The following ACTR1B variants were observed in gnomAD, a reference collection of about 807,000 sequenced individuals.
The protein encoded by ACTR1B is beta-centractin.
Under a neutral mutation model 49.4 loss-of-function variants are expected in ACTR1B, and 34 were observed. The observed-to-expected ratio is 0.69, with a 90% confidence interval of 0.52 to 0.92. The LOEUF (loss-of-function observed/expected upper bound fraction) is 0.92. Ranked by LOEUF, ACTR1B falls within the 40% of genes least tolerant of loss-of-function variation. The pLI, the probability that ACTR1B is intolerant of heterozygous loss-of-function variation, is 0.00. For synonymous variants in ACTR1B, 207 were observed against 207.8 expected, an observed-to-expected ratio of 1.00 and a Z score of 0.03; for missense variants, 471 against 522.4, an observed-to-expected ratio of 0.90 and a Z score of 0.96.
chr2:97,659,126 C>T lies in ACTR1B; in HGVS notation c.316-123G>A, dbSNP rs983987977. ...CTCAGCCTCCTACCCCTCCTGAGGG[C>T]CCCATCCCTTTATCTGCTGGCAGTT... On this transcript the variant is annotated intron_variant, in intron 4 of 10. Transcript: ENST00000289228. This position sits in a 1 kb window ranked among gnomAD's most constrained non-coding sequence, Gnocchi z 4.0. 17 of 1,499,868 alleles carry T rather than the reference C, an allele frequency of 1.1e-5. No homozygotes were observed. The African/African-American group carries it at 2.3e-4, about 21-fold the overall frequency. The allele number at this position is 1,499,868 out of a possible 1,614,324, so 92.9% of individuals were successfully genotyped here. A position where few individuals can be genotyped will look rare whatever the true frequency, so the allele number is the denominator to read the frequency against.
intron 1 of ACTR1B, among the ~76,000 whole-genome samples, chr2:97,662,551 G>A (rs1473004969): frequency 6.6e-6 from 1 of 152,028 alleles, no homozygotes; most frequent in Non-Finnish European, 1.5e-5. Flanking sequence ...GAGACTACTA[G>A]GAGAACTTGG....
chr2:97,659,055 C>CT lies in ACTR1B; in HGVS notation c.316-53dup, dbSNP rs1559289379. On this transcript the variant is annotated intron_variant, in intron 4 of 10. Transcript: ENST00000289228. This position sits in a 1 kb window ranked among gnomAD's most constrained non-coding sequence, Gnocchi z 4.0. ...ATCAGAGGAGGCAACTTGCAAGGCC[C>CT]TAAAAGGCTCTTTCCAGAGAACCAC... 2.5e-6 allele frequency: 4 copies of CT among 1,610,804 alleles called. No homozygotes were observed. Among genetic ancestry groups the CT allele is most frequent in the Non-Finnish European group, 3.4e-6 (4 of 1,178,174 alleles).
At chr2:97,660,428 G>A (rs1674981930) in intron 3 of ACTR1B, 143 bp downstream of exon 3, 2 of 748,200 alleles carry the variant, frequency 2.7e-6, no homozygotes, top group Admixed American at 4.7e-5. Context: ...CCCATCTCAG[G>A]GGGAGGTGCC....
rs1674824798 is a variant in ACTR1B, at chr2:97,655,999, CAA to C, written c.*857_*858del. 1 of 152,254 alleles carries C rather than the reference CAA, an allele frequency of 6.6e-6. No homozygotes were observed. The highest frequency in any genetic ancestry group is 2.1e-4 in the South Asian group (1 of 4,832). The allele number at this position is 152,254 out of a possible 1,614,324, so 9.4% of individuals were successfully genotyped here. A position where few individuals can be genotyped will look rare whatever the true frequency, so the allele number is the denominator to read the frequency against. On this transcript the variant is annotated 3_prime_UTR_variant, in exon 11 of 11. Transcript: ENST00000289228. ...CCATAATTATTACTATAATGATTTACAAAAGTTTTTTTCAGGCAACCGTGTTA... is the reference window on the plus strand; with the variant it reads ...CCATAATTATTACTATAATGATTTACAAGTTTTTTTCAGGCAACCGTGTTA...
chr2:97,663,948 G>A lies in ACTR1B; in HGVS notation c.-58C>T, dbSNP rs1573188310. 1.0e-6 allele frequency: 1 copy of A among 996,302 alleles called. No individual in the cohort carries two copies. The highest frequency in any genetic ancestry group is 1.3e-6 in the Non-Finnish European group (1 of 760,454). The allele number at this position is 996,302 out of a possible 1,614,324, so 61.7% of individuals were successfully genotyped here. On this transcript the variant is annotated 5_prime_UTR_variant, in exon 1 of 11. Coordinates refer to ENST00000289228, the MANE Select transcript of ACTR1B (RefSeq NM_005735.4). Reference sequence around the variant, plus strand: ...GGCTGCAGGAGGCACCGGATGGGCGGGCGGGCGGGAGGACCGGGACGGCGG... The same window carrying A: ...GGCTGCAGGAGGCACCGGATGGGCGAGCGGGCGGGAGGACCGGGACGGCGG...
Position 97,656,108 on chromosome 2 carries a change from A to C in ACTR1B, c.*750T>G, listed in dbSNP as rs936982823. 6.6e-6 allele frequency: 1 copy of C among 152,280 alleles called. No homozygotes were observed. Among genetic ancestry groups the C allele is most frequent in the Non-Finnish European group, 1.5e-5 (1 of 68,078 alleles). 9.4% of individuals were successfully genotyped at this position (152,280 alleles called of 1,614,324 possible). A position where few individuals can be genotyped will look rare whatever the true frequency, so the allele number is the denominator to read the frequency against. On this transcript the variant is annotated 3_prime_UTR_variant, in exon 11 of 11. Coordinates refer to ENST00000289228, the MANE Select transcript of ACTR1B (RefSeq NM_005735.4). ...GACCTCTTTCTTGGGTGAGGTAAGA[A>C]AATGTCCCCCACCCCCTTTTAGGTC...
intron 3 of ACTR1B, among the ~76,000 whole-genome samples, 187 bp downstream of exon 3, chr2:97,660,384 C>A (rs577266859): frequency 1.3e-5 from 2 of 152,246 alleles, no homozygotes; most frequent in African/African-American, 2.4e-5. Context: ...ACACGATGAG[C>A]TCTACCCATG....
Position 97,656,815 on chromosome 2 carries a change from C to T in ACTR1B, c.*43G>A. The T allele has an allele frequency of 6.7e-7, 1 of 1,492,712 alleles. No homozygotes were observed. The highest frequency in any genetic ancestry group is 9.2e-7 in the Non-Finnish European group (1 of 1,091,752). 92.5% of individuals were successfully genotyped at this position (1,492,712 alleles called of 1,614,324 possible). A position where few individuals can be genotyped will look rare whatever the true frequency, so the allele number is the denominator to read the frequency against. ...CAAAAAGGGTTAAAGGCTCTGTCTC[C>T]CCTCCCTCCCCCTCTCCCAACATGC... is the stretch of plus-strand genomic sequence containing the variant. On this transcript the variant is annotated 3_prime_UTR_variant, in exon 11 of 11. Transcript: ENST00000289228.
rs1490035583 is a variant in ACTR1B, at chr2:97,658,936, A to G, written c.383T>C (p.Phe128Ser). Reference protein sequence around the residue: ...SKNREKAAEVFFETFNVPALF... With the variant: ...SKNREKAAEVSFETFNVPALF... ...GGCCGGCACGTTGAAGGTCTCAAAG[A>G]ACACCTCTGCCGCCTTCTCCCGGTT... is the stretch of plus-strand genomic sequence containing the variant. Residue 128 changes from phenylalanine (F) to serine (S), a missense_variant, in exon 5 of 11, where the codon TTC (phenylalanine) becomes TCC (serine). By Grantham distance (155) the Phe-to-Ser change is radical. Transcript: ENST00000289228. The surrounding 1 kb of genome is among the most constrained non-coding windows in gnomAD (Gnocchi z 5.9). 1 of 1,613,990 alleles carries G rather than the reference A, an allele frequency of 6.2e-7. No homozygotes were observed. The highest frequency in any genetic ancestry group is 8.5e-7 in the Non-Finnish European group (1 of 1,180,006).
At chr2:97,663,812 G>A in intron 1 of ACTR1B, 31 bp downstream of exon 1, 2 of 1,351,348 alleles carry the variant, frequency 1.5e-6, no homozygotes, top group Non-Finnish European at 9.7e-7. Flanking sequence ...GGGGCGGGGC[G>A]CCCGCCCTCC....
chr2:97,660,805 CG>C (rs1674992373), intron 2 of ACTR1B, among the ~76,000 whole-genome samples, 159 bp from the exon 3 acceptor site: 4 of 152,146 alleles, frequency 2.6e-5, no homozygotes, highest in Admixed American at 2.0e-4. Flanking sequence ...CTATGGGGTT[CG>C]GGGCTAGAGA....
At position 97,658,181 on chromosome 2, in the gene ACTR1B, C is replaced by T. The variant is rs1221264823; in HGVS notation, c.750+43G>A. ...GAAGCGGGCTACCCCTTCCCCCAGGCTGGGCATCGGCTGCCACTCCAGTGC... is the reference window on the plus strand; with the variant it reads ...GAAGCGGGCTACCCCTTCCCCCAGGTTGGGCATCGGCTGCCACTCCAGTGC... On this transcript the variant is annotated intron_variant, in intron 7 of 10. Coordinates refer to ENST00000289228, the MANE Select transcript of ACTR1B (RefSeq NM_005735.4). This position sits in a 1 kb window ranked among gnomAD's most constrained non-coding sequence, Gnocchi z 5.9. 3.1e-6 allele frequency: 5 copies of T among 1,613,520 alleles called. No individual in the cohort carries two copies. In the East Asian group the frequency reaches 6.7e-5, roughly 22 times the overall value.
Position 97,658,882 on chromosome 2 carries a change from C to T in ACTR1B, c.437G>A (p.Ser146Asn). Reference sequence around the variant, plus strand: ...GCCAGGCTTAGGGAGCACTCACAGACTGAGCACAGCCTGCATGGAGATGAA... The same window carrying T: ...GCCAGGCTTAGGGAGCACTCACAGATTGAGCACAGCCTGCATGGAGATGAA... The part of the protein sequence containing the change: ...ALFISMQAVL[S>N]LYATGRTTGV... Residue 146 changes from serine (S) to asparagine (N), a missense_variant, in exon 5 of 11, where the codon AGT (serine) becomes AAT (asparagine). Transcript: ENST00000289228. The surrounding 1 kb of genome is among the most constrained non-coding windows in gnomAD (Gnocchi z 5.9). 1 of 1,614,086 alleles carries T rather than the reference C, an allele frequency of 6.2e-7. No individual in the cohort carries two copies. The highest frequency in any genetic ancestry group is 8.5e-7 in the Non-Finnish European group (1 of 1,180,004).
At position 97,658,733 on chromosome 2, in the gene ACTR1B, C is replaced by T. The variant is rs1418007817; in HGVS notation, c.441-90G>A. The T allele has an allele frequency of 5.1e-6, 8 of 1,583,442 alleles. No homozygotes were observed. Among genetic ancestry groups the T allele is most frequent in the Non-Finnish European group, 6.9e-6 (8 of 1,155,434 alleles). ...AGGAACCCTGGCACATCTGCATTAT[C>T]TAGTCTGAAGAGAGGACACGAGGGA... On this transcript the variant is annotated intron_variant, in intron 5 of 10. Transcript: ENST00000289228. The surrounding 1 kb of genome is among the most constrained non-coding windows in gnomAD (Gnocchi z 5.9).
At chr2:97,657,642 G>T in intron 8 of ACTR1B, 133 bp from the exon 9 acceptor site, 1 of 1,009,824 alleles carries the variant, frequency 9.9e-7, no homozygotes, top group Non-Finnish European at 1.5e-6. Flanking sequence ...GAAGGGCAAG[G>T]CTGAGAAATG....
Position 97,657,210 on chromosome 2 carries a change from C to A in ACTR1B, c.988-18G>T. ...GCTGAGATCTAGAAGGAGGAAGTGG[C>A]CACGTTAACTGTGGATCCCCACCCA... On this transcript the variant is annotated intron_variant, in intron 9 of 10. Transcript: ENST00000289228. 6.2e-7 allele frequency: 1 copy of A among 1,611,604 alleles called. No homozygotes were observed. Among genetic ancestry groups the A allele is most frequent in the Non-Finnish European group, 8.5e-7 (1 of 1,178,924 alleles).
Position 97,656,777 on chromosome 2 carries a change from T to C in ACTR1B, c.*81A>G, listed in dbSNP as rs1459534048. On this transcript the variant is annotated 3_prime_UTR_variant, in exon 11 of 11. Coordinates refer to ENST00000289228, the MANE Select transcript of ACTR1B (RefSeq NM_005735.4). ...CATGCAGGGGACCCTAAGCCTAGTA[T>C]ACGAGCCAAGACCAAAAAGGGTTAA... 3 of 1,204,894 alleles carry C rather than the reference T, an allele frequency of 2.5e-6. No homozygotes were observed. Among genetic ancestry groups the C allele is most frequent in the Non-Finnish European group, 3.6e-6 (3 of 835,026 alleles). 74.6% of individuals were successfully genotyped at this position (1,204,894 alleles called of 1,614,324 possible).
rs1675101447 is a variant in ACTR1B, at chr2:97,663,793, G to A, written c.48+50C>T. 4.0e-6 allele frequency: 5 copies of A among 1,253,766 alleles called. No individual in the cohort carries two copies. The African/African-American group carries it at 6.4e-5, about 16-fold the overall frequency. The allele number at this position is 1,253,766 out of a possible 1,614,324, so 77.7% of individuals were successfully genotyped here. A position where few individuals can be genotyped will look rare whatever the true frequency, so the allele number is the denominator to read the frequency against. On this transcript the variant is annotated intron_variant, in intron 1 of 10. Transcript: ENST00000289228. ...GGGGTCTCTCCCTGCGCCGCCGCGT[G>A]CGCCCCCGGGGGCGGGGCGCCCGCC...
chr2:97,657,334 C>A, intron 9 of ACTR1B, 114 bp downstream of exon 9: 2 of 1,491,924 alleles, frequency 1.3e-6, no homozygotes, highest in South Asian at 2.3e-5. Context: ...TTGGGAAGAA[C>A]AGGACTAGGT....
Sources: gnomAD v4.1 joint callset for allele counts (sites outside exome capture counted in the v4.1 genomes callset) on GRCh38, gnomAD v4.1.1 for gene constraint, Gnocchi (gnomAD v3.1) non-coding constraint, MANE v1.5 for transcripts, NCBI Gene and HGNC (gene_info 2026-07-23, HGNC 2026-07-21) for gene names.